RPGRIP1: variants seen among roughly 807,000 people sequenced by gnomAD.
RPGRIP1 encodes the protein RPGR interacting protein 1.
RPGRIP1 carries 128 observed loss-of-function variants against 157.9 expected under a neutral mutation model. The observed-to-expected ratio is 0.81, with a 90% confidence interval of 0.70 to 0.94. The LOEUF is 0.94. Among genes scored for constraint, RPGRIP1 ranks in the 40% least tolerant of loss-of-function variants. RPGRIP1 has a pLI of 0.00. For missense variants in RPGRIP1, 1,486 were observed against 1,545.8 expected (o/e 0.96, Z 0.65); for synonymous variants, 554 against 571.6 (o/e 0.97, Z 0.44).
At chr14:21,306,382 C>T (rs1881306658) in intron 6 of RPGRIP1, among the ~76,000 whole-genome samples, 1 of 151,682 alleles carries the variant, frequency 6.6e-6, no homozygotes, top group South Asian at 2.1e-4. Flanking sequence ...ATTCGCCTTC[C>T]TCGACCTCCC....
chr14:21,326,169 C>A lies in RPGRIP1; in HGVS notation c.2706C>A (p.Ile902=). The A allele has an allele frequency of 6.4e-7, 1 of 1,562,536 alleles. No individual in the cohort carries two copies. Among genetic ancestry groups the A allele is most frequent in the Non-Finnish European group, 8.7e-7 (1 of 1,153,120 alleles). The change falls in exon 17 of 25, where the codon ATC becomes ATA. Residue 902 remains isoleucine (I), a synonymous_variant. Coordinates refer to ENST00000400017, the MANE Select transcript of RPGRIP1 (RefSeq NM_020366.4). ...TGCCTCTTGCAAAAAATGAATCTAT[C>A]AAAGGTGGGAGTTCGAGGTTATTAC... ...PLLPLAKNES[I]KGDFNLTDPA...
At chr14:21,335,046 CAAAAAA>C (rs869065591) in intron 21 of RPGRIP1, among the ~76,000 whole-genome samples, 3 of 28,050 alleles carry the variant, frequency 1.1e-4, no homozygotes, top group African/African-American at 1.3e-4. Flanking sequence ...AACTCTGTCT[CAAAAAA>C]AAAAAAAAAA....
Position 21,326,082 on chromosome 14 carries a change from T to A in RPGRIP1, c.2619T>A (p.His873Gln). The A allele has an allele frequency of 6.2e-7, 1 of 1,613,634 alleles. No homozygotes were observed. The change falls in exon 17 of 25, where the codon CAT becomes CAA. Residue 873 changes from histidine to glutamine, a missense_variant. His to Gln is a conservative substitution (Grantham distance 24). Transcript: ENST00000400017. ...HYLRREALSIHVFDDEDLEPG... is the reference protein window; with the variant it reads ...HYLRREALSIQVFDDEDLEPG... ...TGAGACGGGAGGCCTTGTCTATACA[T>A]GTTTTTGATGATGAAGACTTAGAGC... is the stretch of plus-strand genomic sequence containing the variant.
chr14:21,318,092 G>GTTTTTGTT, intron 11 of RPGRIP1: 1 of 656,852 alleles, frequency 1.5e-6, no homozygotes, highest in Non-Finnish European at 2.8e-6. Flanking sequence ...GAAGATGCTA[G>GTTTTTGTT]TTTTTGTTTG....
At position 21,324,627 on chromosome 14, in the gene RPGRIP1, A is replaced by G. The variant is rs745899255; in HGVS notation, c.1772A>G (p.Lys591Arg). 122 of 1,613,264 alleles carry G rather than the reference A, an allele frequency of 7.6e-5. No individual in the cohort carries two copies. The highest frequency in any genetic ancestry group is 3.7e-4 in the Admixed American group (22 of 60,008). The change falls in exon 15 of 25, where the codon AAA (lysine) becomes AGA (arginine). Residue 591 changes from lysine to arginine, a missense_variant. Coordinates refer to ENST00000400017, the MANE Select transcript of RPGRIP1 (RefSeq NM_020366.4). ...TTTCTTTCCCCTCTAGAACAGCTCAAAGATGTTGCTTATGGCACCCGACCG... is the reference window on the plus strand; with the variant it reads ...TTTCTTTCCCCTCTAGAACAGCTCAGAGATGTTGCTTATGGCACCCGACCG... ...SHDLPTSEQLKDVAYGTRPLS... is the reference protein window; with the variant it reads ...SHDLPTSEQLRDVAYGTRPLS...
chr14:21,317,084 C>T (rs1427489625), intron 10 of RPGRIP1, among the ~76,000 whole-genome samples: 1 of 151,274 alleles, frequency 6.6e-6, no homozygotes, highest in East Asian at 1.9e-4. Context: ...TGCACCCCTG[C>T]ACTCCAACCT....
intron 1 of RPGRIP1, among the ~76,000 whole-genome samples, chr14:21,285,435 C>T (rs1297957530): frequency 6.6e-6 from 1 of 151,780 alleles, no homozygotes; most frequent in African/African-American, 2.4e-5. Context: ...GAGACCCCGT[C>T]TCTACTAAAA....
At position 21,337,753 on chromosome 14, in the gene RPGRIP1, ATTTTTT is replaced by A. The variant is rs60322777; in HGVS notation, c.3339+3068_3339+3073del. Among the ~76,000 whole-genome samples the A allele has an allele frequency of 1.6e-3, 154 of 98,288 alleles. 1 individual carries two copies. The South Asian group carries it at 0.034, about 22-fold the overall frequency. The allele number at this position is 98,288 out of a possible 152,430, so 64.5% of individuals were successfully genotyped here. A position where few individuals can be genotyped will look rare whatever the true frequency, so the allele number is the denominator to read the frequency against. On this transcript the variant is annotated intron_variant, in intron 21 of 24. Coordinates refer to ENST00000400017, the MANE Select transcript of RPGRIP1 (RefSeq NM_020366.4). ...CCACTGCGCCCGGCCTAGGTTAAGC[ATTTTTT>A]TTTTTTTTTTTTTTTTTTTAGAGTC...
intron 10 of RPGRIP1, among the ~76,000 whole-genome samples, chr14:21,315,295 C>T (rs1179352763): frequency 1.3e-5 from 2 of 151,850 alleles, no homozygotes; most frequent in Non-Finnish European, 2.9e-5. Flanking sequence ...ATCACGAGGT[C>T]AGGAGATCGA....
chr14:21,329,632 G>T (rs1384100286), intron 19 of RPGRIP1, among the ~76,000 whole-genome samples: 1 of 149,450 alleles, frequency 6.7e-6, no homozygotes, highest in East Asian at 2.1e-4. Context: ...CTCCCAAGTA[G>T]CTGGGATTAC....
chr14:21,320,178 G>T lies in RPGRIP1; in HGVS notation c.1467+1G>T. ...ATTGCAAGAGAACACTCAGATCGAG[G>T]TAAGAGCCTCTTTAAACAAACTAGT... On this transcript the variant is annotated splice_donor_variant, in intron 12 of 24. Transcript: ENST00000400017. LOFTEE classifies it high-confidence loss of function. 6.2e-7 allele frequency: 1 copy of T among 1,613,316 alleles called. No homozygotes were observed. The highest frequency in any genetic ancestry group is 2.2e-5 in the East Asian group (1 of 44,880).
intron 7 of RPGRIP1, among the ~76,000 whole-genome samples, chr14:21,309,893 C>T (rs1039045421): frequency 7.3e-5 from 11 of 151,678 alleles, no homozygotes; most frequent in Admixed American, 1.3e-4. Context: ...AGTTTGAGAC[C>T]AGCCTGGCCA....
At position 21,334,689 on chromosome 14, in the gene RPGRIP1, A is replaced by C; in HGVS notation, c.3323A>C (p.Gln1108Pro). The C allele has an allele frequency of 6.2e-7, 1 of 1,602,408 alleles. No individual in the cohort carries two copies. Among genetic ancestry groups the C allele is most frequent in the Non-Finnish European group, 8.5e-7 (1 of 1,173,514 alleles). ...GATGTCATAGTGCCACCCATGTCTCAGAAATATCCTAAGGCAGTAAGTACA... is the reference window on the plus strand; with the variant it reads ...GATGTCATAGTGCCACCCATGTCTCCGAAATATCCTAAGGCAGTAAGTACA... ...SDDVIVPPMS[Q>P]KYPKADSEKM... The change falls in exon 21 of 25, where the codon CAG becomes CCG. Residue 1108 changes from glutamine (Q) to proline (P), a missense_variant. Gln to Pro is a moderately conservative substitution (Grantham distance 76). Coordinates refer to ENST00000400017, the MANE Select transcript of RPGRIP1 (RefSeq NM_020366.4).
At position 21,307,854 on chromosome 14, in the gene RPGRIP1, G is replaced by C. The variant is rs774860589; in HGVS notation, c.906+18G>C. ...TTCAAGAGGTGAGTTGCCATCATCAGCTGTGCTTTCTTGGTGGGGGGAAAC... is the reference window on the plus strand; with the variant it reads ...TTCAAGAGGTGAGTTGCCATCATCACCTGTGCTTTCTTGGTGGGGGGAAAC... On this transcript the variant is annotated intron_variant, in intron 7 of 24. Transcript: ENST00000400017. 1.4e-6 allele frequency: 2 copies of C among 1,420,806 alleles called. No individual in the cohort carries two copies. The highest frequency in any genetic ancestry group is 1.9e-6 in the Non-Finnish European group (2 of 1,048,718). The allele number at this position is 1,420,806 out of a possible 1,614,324, so 88.0% of individuals were successfully genotyped here.
intron 18 of RPGRIP1, among the ~76,000 whole-genome samples, 199 bp from the exon 19 acceptor site, chr14:21,328,224 TA>T (rs1413893930): frequency 2.0e-5 from 3 of 151,856 alleles, no homozygotes. Context: ...CCTGTGAACT[TA>T]ATATATATCC....
At chr14:21,283,900 G>A (rs1338803485) in intron 1 of RPGRIP1, among the ~76,000 whole-genome samples, 2 of 152,078 alleles carry the variant, frequency 1.3e-5, no homozygotes, top group African/African-American at 4.8e-5. Flanking sequence ...CAAAGTGTTG[G>A]GATTATAAAC....
intron 24 of RPGRIP1, among the ~76,000 whole-genome samples, chr14:21,349,986 A>AAAC (rs1302476851): frequency 6.6e-6 from 1 of 152,218 alleles, no homozygotes; most frequent in Admixed American, 6.5e-5. Context: ...AATGTTTTTC[A>AAAC]AACTTCCAGA....
At chr14:21,314,492 C>T (rs1881680244) in intron 10 of RPGRIP1, among the ~76,000 whole-genome samples, 1 of 152,052 alleles carries the variant, frequency 6.6e-6, no homozygotes, top group Non-Finnish European at 1.5e-5. Flanking sequence ...TGGCTCATTC[C>T]TGTAATCCCA....
intron 19 of RPGRIP1, 145 bp downstream of exon 19, chr14:21,328,772 C>T (rs1594225589): frequency 4.7e-6 from 3 of 634,954 alleles, no homozygotes; most frequent in East Asian, 2.8e-5. Context: ...CCTGTAATCC[C>T]AGCACTTTGG....
Sources: allele counts gnomAD v4.1 joint callset (sites outside exome capture counted in the v4.1 genomes callset), GRCh38; gene constraint gnomAD v4.1.1; transcripts MANE v1.5; gene names NCBI Gene and HGNC (gene_info 2026-07-23, HGNC 2026-07-21).